MED12L: variants seen among roughly 807,000 people sequenced by gnomAD.
The protein encoded by MED12L is mediator of RNA polymerase II transcription subunit 12-like protein.
MED12L carries 60 observed loss-of-function variants against 281.3 expected under a neutral mutation model. The observed-to-expected ratio is 0.21, with a 90% CI of 0.17 to 0.26. The LOEUF is 0.26. Ranked by LOEUF, MED12L falls within the 10% of genes least tolerant of loss-of-function variation. The pLI is 1.00. For missense variants in MED12L, 2,146 were observed against 2,680.9 expected, an observed-to-expected ratio of 0.80 and a Z score of 4.41; for synonymous variants, 974 against 987.2, an observed-to-expected ratio of 0.99 and a Z score of 0.25.
At chr3:151,094,337 T>C (rs1720446866) in intron 2 of MED12L, among the ~76,000 whole-genome samples, 1 of 152,076 alleles carries the variant, frequency 6.6e-6, no homozygotes, top group South Asian at 2.1e-4. Context: ...AGAATGAACA[T>C]GATGAAAGAT....
intron 16 of MED12L, chr3:151,294,017 G>A (rs1463700500): frequency 3.2e-6 from 2 of 633,488 alleles, no homozygotes; most frequent in African/African-American, 3.7e-5. Flanking sequence ...TCTTTGCTAT[G>A]CTTTAATGTT....
At chr3:151,417,328 G>A (rs955862305) in intron 43 of MED12L, among the ~76,000 whole-genome samples, 21 of 152,092 alleles carry the variant, frequency 1.4e-4, no homozygotes, top group Non-Finnish European at 3.1e-4. Context: ...GTGGTATAGA[G>A]ATAGTACATG....
chr3:151,320,599 T>C (rs1170297667), intron 16 of MED12L, among the ~76,000 whole-genome samples: 2 of 152,214 alleles, frequency 1.3e-5, no homozygotes, highest in South Asian at 2.1e-4. Context: ...TGAAATTATT[T>C]GTATCTATCA....
chr3:151,186,555 C>T (rs1247727526), intron 12 of MED12L, among the ~76,000 whole-genome samples: 1 of 152,164 alleles, frequency 6.6e-6, no homozygotes, highest in Admixed American at 6.5e-5. Flanking sequence ...CTTGAGGCCT[C>T]TGCTCTTGTT....
chr3:151,142,314 A>C (rs1356839789), intron 5 of MED12L, among the ~76,000 whole-genome samples: 2 of 152,228 alleles, frequency 1.3e-5, no homozygotes, highest in African/African-American at 2.4e-5. Context: ...TGTTTGCTTA[A>C]GGTATGAAGA....
Position 151,368,265 on chromosome 3 carries a change from A to G in MED12L, c.3550+14A>G. On this transcript the variant is annotated intron_variant, in intron 25 of 44. Transcript: ENST00000687756. Reference sequence around the variant, plus strand: ...CTCAAGCAACGGGTGAGCTGACTGCAGAAAAATCTGATTACCTTTTCATTG... The same window carrying G: ...CTCAAGCAACGGGTGAGCTGACTGCGGAAAAATCTGATTACCTTTTCATTG... The G allele has an allele frequency of 6.2e-7, 1 of 1,605,574 alleles. No individual in the cohort carries two copies. Among genetic ancestry groups the G allele is most frequent in the Non-Finnish European group, 8.5e-7 (1 of 1,172,282 alleles).
At chr3:151,138,024 C>A (rs1006637744) in intron 5 of MED12L, among the ~76,000 whole-genome samples, 4 of 152,032 alleles carry the variant, frequency 2.6e-5, no homozygotes, top group African/African-American at 9.7e-5. Flanking sequence ...CACACAATTC[C>A]CTTTACCCCA....
intron 16 of MED12L, among the ~76,000 whole-genome samples, chr3:151,209,059 G>C (rs970621269): frequency 6.6e-6 from 1 of 152,180 alleles, no homozygotes; most frequent in Non-Finnish European, 1.5e-5. Flanking sequence ...GACCATGAGA[G>C]AAGCCATAGA....
intron 2 of MED12L, among the ~76,000 whole-genome samples, chr3:151,095,861 T>C (rs1334309464): frequency 6.6e-6 from 1 of 152,158 alleles, no homozygotes; most frequent in Non-Finnish European, 1.5e-5. Flanking sequence ...GGCAACATAG[T>C]GAGAGCCGAT....
At chr3:151,175,297 T>G (rs901820564) in intron 11 of MED12L, among the ~76,000 whole-genome samples, 2 of 152,226 alleles carry the variant, frequency 1.3e-5, no homozygotes, top group African/African-American at 4.8e-5. Context: ...TTCTCCAAAT[T>G]TGACCATTTT....
chr3:151,253,926 A>C (rs916028210), intron 16 of MED12L, among the ~76,000 whole-genome samples: 1 of 151,348 alleles, frequency 6.6e-6, no homozygotes, highest in East Asian at 1.9e-4. Flanking sequence ...GACCTCCACT[A>C]CTTTTTTTTT....
chr3:151,250,345 C>T (rs1559938878), intron 16 of MED12L, among the ~76,000 whole-genome samples: 1 of 152,192 alleles, frequency 6.6e-6, no homozygotes, highest in African/African-American at 2.4e-5. Flanking sequence ...ATTACATTCA[C>T]ATTGTTGTGT....
intron 16 of MED12L, among the ~76,000 whole-genome samples, chr3:151,253,762 C>G (rs1019126510): frequency 2.6e-5 from 4 of 152,042 alleles, no homozygotes; most frequent in South Asian, 2.1e-4. Flanking sequence ...TGCAGCCTCT[C>G]TCATCCATAT....
chr3:151,122,542 C>T (rs1194485975), intron 3 of MED12L, among the ~76,000 whole-genome samples: 1 of 152,096 alleles, frequency 6.6e-6, no homozygotes, highest in African/African-American at 2.4e-5. Context: ...CAGAGATTTC[C>T]AAAGGCTCTC....
chr3:151,227,020 T>G (rs13321176), intron 16 of MED12L, among the ~76,000 whole-genome samples: 20,457 of 152,220 alleles, frequency 0.13, 1,492 homozygotes, highest in Middle Eastern at 0.18. Context: ...TGCTGCTGTT[T>G]GTCACCTTCA....
intron 16 of MED12L, among the ~76,000 whole-genome samples, chr3:151,194,410 G>A (rs1020567833): frequency 2.6e-5 from 4 of 152,174 alleles, no homozygotes; most frequent in Non-Finnish European, 5.9e-5. Flanking sequence ...GCATAGGAAA[G>A]ACAGGAGACA....
At chr3:151,169,206 T>G (rs1420932785) in intron 11 of MED12L, among the ~76,000 whole-genome samples, 1 of 146,174 alleles carries the variant, frequency 6.8e-6, no homozygotes, top group Non-Finnish European at 1.5e-5. Flanking sequence ...CAACCTCCAC[T>G]TCCTGGGTTC....
chr3:151,294,256 A>G, intron 16 of MED12L: 1 of 1,613,916 alleles, frequency 6.2e-7, no homozygotes, highest in Non-Finnish European at 8.5e-7. Context: ...TGGTTCTGAT[A>G]TTTGATTTTT....
At chr3:151,086,685 T>C in intron 1 of MED12L, 113 bp from the exon 2 acceptor site, 1 of 366,814 alleles carries the variant, frequency 2.7e-6, no homozygotes, top group Non-Finnish European at 4.9e-6. Flanking sequence ...ACCGGAGCGG[T>C]GCGTCCCGGG....
Sources: gnomAD v4.1 joint callset for allele counts (sites outside exome capture counted in the v4.1 genomes callset) on GRCh38, gnomAD v4.1.1 for gene constraint, MANE v1.5 for transcripts, NCBI Gene and HGNC (gene_info 2026-07-23, HGNC 2026-07-21) for gene names.